Variants in HEMK2 observed in about 807,000 individuals in gnomAD.
The protein encoded by HEMK2 is HemK methyltransferase 2, ETF1 glutamine and histone H4 lysine.
At chr21:28,693,051 G>T in the HEMK2 span, among the ~76,000 whole-genome samples, 1 of 152,096 alleles carries the variant, frequency 6.6e-6, no homozygotes, top group African/African-American at 2.4e-5. Flanking sequence ...GTGGGGTGAT[G>T]AAAATATTCT....
the HEMK2 span, among the ~76,000 whole-genome samples, chr21:28,781,820 T>C: frequency 6.6e-6 from 1 of 152,242 alleles, no homozygotes; most frequent in Admixed American, 6.5e-5. Flanking sequence ...ACATTGATAC[T>C]GTCTGGCCCA....
At chr21:28,577,690 T>A in the HEMK2 span, among the ~76,000 whole-genome samples, 3 of 152,202 alleles carry the variant, frequency 2.0e-5, no homozygotes, top group East Asian at 5.8e-4. Flanking sequence ...ATTTTTAGTA[T>A]CTATCCTAAA....
the HEMK2 span, among the ~76,000 whole-genome samples, chr21:28,702,602 CAAT>C: frequency 2.6e-5 from 4 of 152,136 alleles, no homozygotes; most frequent in Non-Finnish European, 4.4e-5. Context: ...ATCAAAACCA[CAAT>C]GAGATACCAT....
chr21:28,670,585 C>A, the HEMK2 span, among the ~76,000 whole-genome samples: 37 of 152,214 alleles, frequency 2.4e-4, no homozygotes, highest in Admixed American at 2.4e-3. Context: ...TTCTACTAAG[C>A]TAGTGAATCT....
At chr21:28,772,424 T>G in the HEMK2 span, among the ~76,000 whole-genome samples, 3 of 152,306 alleles carry the variant, frequency 2.0e-5, no homozygotes, top group Admixed American at 6.5e-5. Flanking sequence ...CAGCTCATTA[T>G]ACTGTCTTAA....
At chr21:28,714,637 C>A in the HEMK2 span, among the ~76,000 whole-genome samples, 1 of 152,166 alleles carries the variant, frequency 6.6e-6, no homozygotes, top group East Asian at 1.9e-4. Flanking sequence ...CAAACATAAT[C>A]TTCATTTTTA....
the HEMK2 span, among the ~76,000 whole-genome samples, chr21:28,775,487 T>C: frequency 1.3e-5 from 2 of 152,180 alleles, no homozygotes; most frequent in Admixed American, 1.3e-4. Context: ...TGTGTAAAAG[T>C]ATCACTATGT....
At chr21:28,636,184 C>A in the HEMK2 span, among the ~76,000 whole-genome samples, 1 of 152,082 alleles carries the variant, frequency 6.6e-6, no homozygotes, top group Admixed American at 6.6e-5. Context: ...GGAAATTTTG[C>A]CTTCAAAATA....
chr21:28,857,348 G>GT, the HEMK2 span, among the ~76,000 whole-genome samples: 1 of 151,948 alleles, frequency 6.6e-6, no homozygotes, highest in South Asian at 2.1e-4. Flanking sequence ...AACGTATTTT[G>GT]TAAATGTTCA....
the HEMK2 span, among the ~76,000 whole-genome samples, chr21:28,751,538 CT>C: frequency 6.6e-6 from 1 of 152,102 alleles, no homozygotes; most frequent in Non-Finnish European, 1.5e-5. Context: ...TTTTCATTTT[CT>C]TTTTGAAATC....
the HEMK2 span, among the ~76,000 whole-genome samples, chr21:28,711,293 G>C: frequency 7.8e-4 from 118 of 152,218 alleles, 2 homozygotes; most frequent in East Asian, 0.02. Flanking sequence ...TCTATATGAG[G>C]GCTGGGGGGC....
the HEMK2 span, among the ~76,000 whole-genome samples, chr21:28,653,480 C>T: frequency 1.3e-5 from 2 of 152,254 alleles, no homozygotes; most frequent in East Asian, 3.9e-4. Context: ...AACTGGAAGG[C>T]TCATCCTTCT....
chr21:28,732,458 A>G, the HEMK2 span, among the ~76,000 whole-genome samples: 74,877 of 152,140 alleles, frequency 0.49, 20,932 homozygotes, highest in East Asian at 0.78. Context: ...CCCAGGTCAC[A>G]TAGCATCTCC....
chr21:28,776,529 T>A, the HEMK2 span, among the ~76,000 whole-genome samples: 5 of 152,174 alleles, frequency 3.3e-5, no homozygotes, highest in Non-Finnish European at 5.9e-5. Context: ...ACTAATAGCA[T>A]AGATGTATAT....
the HEMK2 span, among the ~76,000 whole-genome samples, chr21:28,730,395 C>CAGACACAG: frequency 2.8e-5 from 4 of 142,832 alleles, no homozygotes; most frequent in African/African-American, 1.1e-4. Context: ...CACACACACA[C>CAGACACAG]ACACACACAC....
At chr21:28,846,515 T>G in the HEMK2 span, among the ~76,000 whole-genome samples, 2 of 152,214 alleles carry the variant, frequency 1.3e-5, no homozygotes, top group Non-Finnish European at 2.9e-5. Flanking sequence ...GAATGGTATC[T>G]TGTTGGGGTT....
the HEMK2 span, among the ~76,000 whole-genome samples, chr21:28,619,568 T>G: frequency 2.0e-4 from 30 of 152,188 alleles, no homozygotes; most frequent in Non-Finnish European, 4.0e-4. Flanking sequence ...AAAACAGCTC[T>G]TAGTCTTTTC....
At chr21:28,663,845 T>C in the HEMK2 span, among the ~76,000 whole-genome samples, 1 of 152,210 alleles carries the variant, frequency 6.6e-6, no homozygotes, top group Non-Finnish European at 1.5e-5. Context: ...TCTGAGGGTT[T>C]GGCATTTACT....
chr21:28,850,999 A>G, the HEMK2 span, among the ~76,000 whole-genome samples: 2 of 115,202 alleles, frequency 1.7e-5, no homozygotes, highest in Admixed American at 8.6e-5. Flanking sequence ...CTTCCATCTG[A>G]TAACGGAATG....
Sources: gnomAD v4.1 joint callset for allele counts (sites outside exome capture counted in the v4.1 genomes callset) on GRCh38, gnomAD v4.1.1 for gene constraint, MANE v1.5 for transcripts, NCBI Gene and HGNC (gene_info 2026-07-23, HGNC 2026-07-21) for gene names.